Variants in AGL observed in about 807,000 individuals in gnomAD.
AGL encodes glycogen debranching enzyme.
AGL carries 128 observed loss-of-function variants against 199.3 expected under a neutral mutation model. That is an observed-to-expected ratio of 0.64 (90% CI 0.56 to 0.74). The LOEUF (loss-of-function observed/expected upper bound fraction) is 0.74, where lower values mean the gene tolerates loss of function less well. Among genes scored for constraint, AGL ranks in the 30% least tolerant of loss-of-function variants. The probability of loss-of-function intolerance (pLI) is 0.00; values close to 1 mark genes in which losing one functional copy is unlikely to be tolerated. For synonymous variants in AGL, 584 were observed against 594.7 expected (o/e 0.98, Z 0.26); for missense variants, 1,809 against 1,820.8 (o/e 0.99, Z 0.12).
rs568393145 is a variant in AGL at position 99,857,352 on chromosome 1, C to A, written c.83-4151C>A. Among the ~76,000 whole-genome samples the A allele has an allele frequency of 2.7e-3, 410 of 151,864 alleles. 2 individuals carry two copies. The highest frequency in any genetic ancestry group is 9.3e-3 in the African/African-American group (386 of 41,380). On this transcript the variant is annotated intron_variant, in intron 2 of 33. Transcript: ENST00000361915. Reference sequence around the variant, plus strand: ...ACTGGGCAGCCGGGCAGAGGGGCTCCTCACATCCCAGACGAAGGGTGGCCG... The same window carrying A: ...ACTGGGCAGCCGGGCAGAGGGGCTCATCACATCCCAGACGAAGGGTGGCCG...
intron 31 of AGL, among the ~76,000 whole-genome samples, chr1:99,915,712 A>C (rs1274641161): frequency 6.6e-6 from 1 of 152,052 alleles, no homozygotes; most frequent in Non-Finnish European, 1.5e-5. Context: ...TCAAGGCTGT[A>C]GTGAGCTATG....
intron 28 of AGL, among the ~76,000 whole-genome samples, chr1:99,912,130 T>G (rs1276172040): frequency 1.3e-5 from 2 of 152,290 alleles, no homozygotes; most frequent in Admixed American, 1.3e-4. Context: ...TCAGATTCCT[T>G]ACTCCTACCT....
At chr1:99,855,102 G>A (rs542387503) in intron 2 of AGL, among the ~76,000 whole-genome samples, 2 of 152,234 alleles carry the variant, frequency 1.3e-5, no homozygotes, top group Admixed American at 1.3e-4. Context: ...TTGGGAGGCT[G>A]AGGCAGGAGA....
intron 33 of AGL, among the ~76,000 whole-genome samples, chr1:99,920,712 C>T (rs999336460): frequency 6.6e-6 from 1 of 152,050 alleles, no homozygotes; most frequent in African/African-American, 2.4e-5. Context: ...CCCACTGAAG[C>T]GTGTATGTAA....
At chr1:99,865,996 T>C (rs183432396) in intron 5 of AGL, among the ~76,000 whole-genome samples, 1 of 152,272 alleles carries the variant, frequency 6.6e-6, no homozygotes, top group East Asian at 1.9e-4. Flanking sequence ...AGCCAGGTGC[T>C]GTGGCTTGCA....
intron 27 of AGL, among the ~76,000 whole-genome samples, chr1:99,903,083 T>C (rs1653972836): frequency 1.3e-5 from 2 of 152,230 alleles, no homozygotes; most frequent in Non-Finnish European, 1.5e-5. Flanking sequence ...ACTTTACCTA[T>C]ATTATTACCA....
At position 99,874,738 on chromosome 1, in the gene AGL, A is replaced by C. The variant is rs1651356099; in HGVS notation, c.1010A>C (p.Gln337Pro). The C allele has an allele frequency of 1.2e-6, 2 of 1,600,590 alleles. No individual in the cohort carries two copies. The highest frequency in any genetic ancestry group is 1.7e-6 in the Non-Finnish European group (2 of 1,171,938). ...CCAAACCAACACCTTACGATTATTC[A>C]AGATCCTGAATACAGACGGTTTGGC... is the stretch of plus-strand genomic sequence containing the variant. ...SDPNQHLTIIQDPEYRRFGCT... is the reference protein window; with the variant it reads ...SDPNQHLTIIPDPEYRRFGCT... Residue 337 changes from glutamine (Q) to proline (P), a missense_variant, in exon 8 of 34, where the codon CAA becomes CCA. Coordinates refer to ENST00000361915, the MANE Select transcript of AGL (RefSeq NM_000642.3).
At chr1:99,881,808 G>A in intron 17 of AGL, 117 bp downstream of exon 17, 1 of 1,024,688 alleles carries the variant, frequency 9.8e-7, no homozygotes, top group Non-Finnish European at 1.4e-6. Context: ...CAGTGCTACT[G>A]TGGACGTACT....
chr1:99,909,956 A>G (rs989129947), intron 27 of AGL, among the ~76,000 whole-genome samples: 4 of 152,200 alleles, frequency 2.6e-5, no homozygotes, highest in Non-Finnish European at 5.9e-5. Context: ...ACTATAATCA[A>G]TAATTTATGT....
intron 11 of AGL, 72 bp from the exon 12 acceptor site, chr1:99,877,569 C>CTT: frequency 2.9e-6 from 4 of 1,392,892 alleles, no homozygotes; most frequent in Non-Finnish European, 4.1e-6. Context: ...AATTTAAAAA[C>CTT]CAGTGTTTCC....
At chr1:99,873,537 C>G (rs934760930) in intron 7 of AGL, among the ~76,000 whole-genome samples, 1 of 151,416 alleles carries the variant, frequency 6.6e-6, no homozygotes, top group African/African-American at 2.4e-5. Flanking sequence ...TGGGTTCAAG[C>G]GATTCTCCTG....
chr1:99,921,756 T>C lies in AGL; in HGVS notation c.*105T>C, dbSNP rs886044924. 2.7e-6 allele frequency: 2 copies of C among 737,532 alleles called. No homozygotes were observed. Among genetic ancestry groups the C allele is most frequent in the Middle Eastern group, 3.3e-4 (1 of 3,020 alleles). 45.7% of individuals were successfully genotyped at this position (737,532 alleles called of 1,614,324 possible). A position where few individuals can be genotyped will look rare whatever the true frequency, so the allele number is the denominator to read the frequency against. On this transcript the variant is annotated 3_prime_UTR_variant, in exon 34 of 34. Coordinates refer to ENST00000361915, the MANE Select transcript of AGL (RefSeq NM_000642.3). ...GCTCAAGTTGTTTTAAAAATCTCATTTATTATAATATTGATGCTCAATTAG... is the reference window on the plus strand; with the variant it reads ...GCTCAAGTTGTTTTAAAAATCTCATCTATTATAATATTGATGCTCAATTAG...
chr1:99,857,841 A>AGAGGGAGACCGTGGGGAGGGGGG (rs1649676243), intron 2 of AGL, among the ~76,000 whole-genome samples: 1 of 6,186 alleles, frequency 1.6e-4, no homozygotes, highest in Non-Finnish European at 3.3e-4. Context: ...GGGGAGGGGG[A>AGAGGGAGACCGTGGGGAGGGGGG]GGGGGAGGGG....
intron 2 of AGL, among the ~76,000 whole-genome samples, chr1:99,858,452 C>G (rs771926338): frequency 7.9e-5 from 12 of 152,268 alleles, no homozygotes; most frequent in Non-Finnish European, 1.3e-4. Context: ...AATGCACTCC[C>G]TATTGGAGCG....
At chr1:99,864,315 A>G in intron 4 of AGL, 71 bp from the exon 5 acceptor site, 4 of 1,359,748 alleles carry the variant, frequency 2.9e-6, no homozygotes, top group Non-Finnish European at 4.2e-6. Flanking sequence ...GTTTAAATTT[A>G]TATTTTCTTC....
At chr1:99,874,311 A>G (rs145362555) in intron 7 of AGL, among the ~76,000 whole-genome samples, 1,925 of 151,116 alleles carry the variant, frequency 0.013, 30 homozygotes, top group Middle Eastern at 0.082. Flanking sequence ...AGTTGTGCAC[A>G]TGTACCCTAG....
intron 17 of AGL, among the ~76,000 whole-genome samples, chr1:99,882,310 GAAC>G (rs1652105984): frequency 6.6e-6 from 1 of 152,004 alleles, no homozygotes. Flanking sequence ...TCTTCTAGCA[GAAC>G]AATATGTATA....
At chr1:99,917,992 A>G (rs1655256465) in intron 33 of AGL, among the ~76,000 whole-genome samples, 2 of 152,084 alleles carry the variant, frequency 1.3e-5, no homozygotes, top group South Asian at 2.1e-4. Flanking sequence ...AGTGCTCTTC[A>G]TATGTTTGTG....
At chr1:99,897,946 A>G (rs1413020257) in intron 25 of AGL, among the ~76,000 whole-genome samples, 1 of 152,132 alleles carries the variant, frequency 6.6e-6, no homozygotes, top group Non-Finnish European at 1.5e-5. Context: ...AATATCACAA[A>G]TTTGTGCTGC....
Sources: gnomAD v4.1 joint callset for allele counts (sites outside exome capture counted in the v4.1 genomes callset) on GRCh38, gnomAD v4.1.1 for gene constraint, MANE v1.5 for transcripts, NCBI Gene and HGNC (gene_info 2026-07-23, HGNC 2026-07-21) for gene names.